IL31RA: variants seen among roughly 807,000 people sequenced by gnomAD.
IL31RA encodes interleukin 31 receptor A.
Under a neutral mutation model 83.7 loss-of-function variants are expected in IL31RA, and 66 were observed. That is an observed-to-expected ratio of 0.79 (90% CI 0.65 to 0.97). The LOEUF is 0.97. Ranked by LOEUF, IL31RA falls within the 50% of genes least tolerant of loss-of-function variation. IL31RA has a pLI of 0.00. For missense variants in IL31RA, 798 were observed against 919.4 expected (o/e 0.87, Z 1.71); for synonymous variants, 325 against 329.0 (o/e 0.99, Z 0.13).
In IL31RA at chr5:55,886,268, C is replaced by CTTGCT. The variant is rs1235138364; in HGVS notation, c.606+3075_606+3076insGCTTT. Among the ~76,000 whole-genome samples the CTTGCT allele has an allele frequency of 2.1e-4, 15 of 71,500 alleles. 1 individual carries two copies. The highest frequency in any genetic ancestry group is 1.0e-3 in the African/African-American group (14 of 13,718). 46.9% of individuals were successfully genotyped at this position (71,500 alleles called of 152,430 possible). A position where few individuals can be genotyped will look rare whatever the true frequency, so the allele number is the denominator to read the frequency against. The stretch of plus-strand genomic sequence containing the variant: ...GCTAGCTTGCTTGCTTGCTTGCTTG[C>CTTGCT]TTTTTTTTTTTTTTTTTTTTTTTGA... On this transcript the variant is annotated intron_variant, in intron 5 of 14. Transcript: ENST00000652347.
intron 4 of IL31RA, among the ~76,000 whole-genome samples, chr5:55,882,815 G>A (rs1282590427): frequency 6.6e-6 from 1 of 152,042 alleles, no homozygotes; most frequent in Non-Finnish European, 1.5e-5. Flanking sequence ...ATAAGAGGCT[G>A]ATTTGCTGAA....
At chr5:55,847,463 T>C (rs1744964648), upstream of IL31RA, among the ~76,000 whole-genome samples, 1 of 151,706 alleles carries the variant, frequency 6.6e-6, no homozygotes, top group South Asian at 2.1e-4. Context: ...ACTCCTGTAA[T>C]CCCAGCTATT....
chr5:55,863,565 A>C (rs1195391702), intron 2 of IL31RA, among the ~76,000 whole-genome samples: 2 of 152,236 alleles, frequency 1.3e-5, no homozygotes, highest in African/African-American at 4.8e-5. Flanking sequence ...GGCAAATCCC[A>C]TGGCCACCCT....
intron 8 of IL31RA, among the ~76,000 whole-genome samples, chr5:55,904,404 T>G (rs1195797610): frequency 3.3e-5 from 5 of 152,080 alleles, no homozygotes; most frequent in African/African-American, 4.8e-5. Context: ...TCTCCAAGGC[T>G]CCAGCAGGGA....
At chr5:55,865,209 C>T (rs557478911) in intron 2 of IL31RA, among the ~76,000 whole-genome samples, 1 of 152,284 alleles carries the variant, frequency 6.6e-6, no homozygotes, top group Middle Eastern at 3.4e-3. Context: ...GATTCAGATC[C>T]AGTTAACTTT....
At chr5:55,873,549 C>T (rs147688155) in intron 4 of IL31RA, among the ~76,000 whole-genome samples, 1 of 151,998 alleles carries the variant, frequency 6.6e-6, no homozygotes, top group Non-Finnish European at 1.5e-5. Context: ...TTCTGCATAC[C>T]CTCACCAACA....
intron 1 of IL31RA, among the ~76,000 whole-genome samples, chr5:55,853,051 C>T (rs934971908): frequency 2.6e-5 from 4 of 152,202 alleles, no homozygotes; most frequent in Non-Finnish European, 4.4e-5. Context: ...TTCCTTTAGA[C>T]GTAAATAAGA....
upstream of IL31RA, chr5:55,851,341 A>G: frequency 6.3e-6 from 4 of 638,304 alleles, no homozygotes; most frequent in Non-Finnish European, 5.4e-6. Context: ...TAACACACAT[A>G]TTTTCTCCAT....
chr5:55,872,562 G>A (rs1746590879), intron 4 of IL31RA, 111 bp downstream of exon 4: 1 of 424,854 alleles, frequency 2.4e-6, no homozygotes, highest in Non-Finnish European at 4.2e-6. Context: ...AAGGATATGT[G>A]TTGTGGGTAT....
chr5:55,902,209 A>G (rs1432371305), intron 8 of IL31RA: 2 of 152,186 alleles, frequency 1.3e-5, no homozygotes, highest in Non-Finnish European at 2.9e-5. Flanking sequence ...CTTTTGTGCA[A>G]CGGTGGCTAA....
Position 55,914,014 on chromosome 5 carries a change from T to C in IL31RA, c.1736+444T>C, listed in dbSNP as rs376358982. Among the ~76,000 whole-genome samples, 49 of 152,328 alleles carry C rather than the reference T, an allele frequency of 3.2e-4. 2 individuals carry two copies. In the East Asian group the frequency reaches 6.7e-3, roughly 21 times the overall value. On this transcript the variant is annotated intron_variant, in intron 13 of 14. Transcript: ENST00000652347. ...TGGCCAGTCGTCTGTGGGTGCAAGC[T>C]TATTGCTTGCTTGTGGTGCAGTGTT...
intron 1 of IL31RA, among the ~76,000 whole-genome samples, chr5:55,855,466 A>G (rs935454958): frequency 4.6e-5 from 7 of 152,180 alleles, no homozygotes; most frequent in African/African-American, 1.7e-4. Context: ...ATAGTAGCTG[A>G]GTGAATGTAT....
chr5:55,886,478 T>C (rs1231869555), intron 5 of IL31RA, among the ~76,000 whole-genome samples: 1 of 151,996 alleles, frequency 6.6e-6, no homozygotes, highest in East Asian at 1.9e-4. Context: ...TTTCACATGT[T>C]GGTCAGGCTG....
At chr5:55,839,918 T>A in the IL31RA span, 1 of 687,748 alleles carries the variant, frequency 1.5e-6, no homozygotes, top group Non-Finnish European at 2.7e-6. Context: ...AGCCTTATTT[T>A]GAATTTTGCA....
At chr5:55,912,101 G>A (rs1046296856) in intron 12 of IL31RA, among the ~76,000 whole-genome samples, 3 of 152,092 alleles carry the variant, frequency 2.0e-5, no homozygotes, top group African/African-American at 7.2e-5. Context: ...GTTAAATGAA[G>A]GCAAGATCCA....
chr5:55,893,272 G>T (rs324452), intron 6 of IL31RA, among the ~76,000 whole-genome samples: 2,524 of 152,338 alleles, frequency 0.017, 34 homozygotes, highest in Middle Eastern at 0.044. Context: ...ATGATGATTA[G>T]TAACATTATT....
chr5:55,898,664 AAT>A (rs879651754), intron 7 of IL31RA, among the ~76,000 whole-genome samples: 4,231 of 42,102 alleles, frequency 0.1, 255 homozygotes, highest in Non-Finnish European at 0.11. Flanking sequence ...ATAACATATT[AAT>A]ATGTTTTTTA....
Position 55,916,822 on chromosome 5 carries a change from G to A in IL31RA, c.1997G>A (p.Gly666Glu), listed in dbSNP as rs918839747. 6 of 1,614,052 alleles carry A rather than the reference G, an allele frequency of 3.7e-6. No individual in the cohort carries two copies. The highest frequency in any genetic ancestry group is 5.1e-6 in the Non-Finnish European group (6 of 1,180,052). ...ACGGGTCAGGAAAACAATTTAGGAG[G>A]GGAAAAGAATGGGTATGTGACCTGC... is the stretch of plus-strand genomic sequence containing the variant. ...ARTGQENNLG[G>E]EKNGYVTCPF... The change falls in exon 15 of 15, where the codon GGG (glycine) becomes GAG (glutamate). Residue 666 changes from glycine to glutamate, a missense_variant. Transcript: ENST00000652347.
intron 12 of IL31RA, among the ~76,000 whole-genome samples, chr5:55,912,176 G>T (rs527876571): frequency 1.3e-5 from 2 of 152,196 alleles, no homozygotes; most frequent in East Asian, 3.9e-4. Context: ...TTCCATTTTT[G>T]ATCCTCTATA....
Sources: allele counts gnomAD v4.1 joint callset (sites outside exome capture counted in the v4.1 genomes callset), GRCh38; gene constraint gnomAD v4.1.1; transcripts MANE v1.5; gene names NCBI Gene and HGNC (gene_info 2026-07-23, HGNC 2026-07-21).